Variants in JAK1 observed in about 807,000 individuals in gnomAD.
JAK1 encodes tyrosine-protein kinase JAK1.
JAK1 carries 16 observed loss-of-function variants against 136.6 expected under a neutral mutation model. The observed-to-expected ratio is 0.12, with a 90% CI of 0.08 to 0.18. The LOEUF (loss-of-function observed/expected upper bound fraction) is 0.18. Ranked by LOEUF, JAK1 falls within the 10% of genes least tolerant of loss-of-function variation. The pLI, the probability that JAK1 is intolerant of heterozygous loss-of-function variation, is 1.00. For missense variants in JAK1, 859 were observed against 1,450.1 expected (o/e 0.59, Z 6.62); for synonymous variants, 492 against 519.5 (o/e 0.95, Z 0.72).
At chr1:65,063,521 G>C (rs1234497894) in intron 1 of JAK1, among the ~76,000 whole-genome samples, 1 of 152,048 alleles carries the variant, frequency 6.6e-6, no homozygotes, top group Admixed American at 6.5e-5. Flanking sequence ...TTAATCCATG[G>C]GGCTAGGCAC....
chr1:64,952,111 G>A (rs1487365100), intron 1 of JAK1, among the ~76,000 whole-genome samples: 6 of 152,168 alleles, frequency 3.9e-5, no homozygotes, highest in Admixed American at 2.6e-4. Flanking sequence ...CTATACATTT[G>A]CCCTGCCAAA....
chr1:64,985,301 G>A lies in JAK1; in HGVS notation c.-78+59179C>T, dbSNP rs61734446. The A allele has an allele frequency of 2.6e-5, 42 of 1,610,280 alleles. No homozygotes were observed. The African/African-American group carries it at 5.5e-4, about 21-fold the overall frequency. Reference sequence around the variant, plus strand: ...TGGAAATGATGATGGGCTGTCGGTAGCTGGATACTCTAAAGAGCTCCAGCA... The same window carrying A: ...TGGAAATGATGATGGGCTGTCGGTAACTGGATACTCTAAAGAGCTCCAGCA... On this transcript the variant is annotated intron_variant, in intron 2 of 25. Transcript: ENST00000671954.
Position 64,857,686 on chromosome 1 carries a change from G to C in JAK1, c.1428C>G (p.Leu476=). 1 of 1,614,210 alleles carries C rather than the reference G, an allele frequency of 6.2e-7. No individual in the cohort carries two copies. The highest frequency in any genetic ancestry group is 1.3e-5 in the African/African-American group (1 of 75,068). Residue 476 remains leucine (L), a synonymous_variant, in exon 10 of 25, where the codon CTC becomes CTG. Transcript: ENST00000342505. ...ACTTCTCAAAGCAGGTGACGGTCAT[G>C]AGGATGTTGTCAAAGTCGGTGCAGC... ...RWSCTDFDNI[L]MTVTCFEKSE...
At chr1:64,983,590 G>C (rs926025871) in intron 2 of JAK1, among the ~76,000 whole-genome samples, 13 of 152,154 alleles carry the variant, frequency 8.5e-5, no homozygotes, top group Admixed American at 2.6e-4. Flanking sequence ...TTTCTCATTT[G>C]GATGGCTCTA....
chr1:65,021,009 T>C (rs1244738556), intron 2 of JAK1, among the ~76,000 whole-genome samples: 1 of 152,124 alleles, frequency 6.6e-6, no homozygotes, highest in East Asian at 1.9e-4. Flanking sequence ...AGTGACCGCA[T>C]ACAAAGGGGA....
chr1:64,938,963 C>T (rs1338811066), intron 1 of JAK1, among the ~76,000 whole-genome samples: 1 of 152,008 alleles, frequency 6.6e-6, no homozygotes, highest in Non-Finnish European at 1.5e-5. Flanking sequence ...ACTGAAGATC[C>T]ACCTAGCATT....
intron 1 of JAK1, among the ~76,000 whole-genome samples, chr1:64,899,682 T>C (rs1028637989): frequency 7.9e-5 from 12 of 152,180 alleles, no homozygotes; most frequent in Non-Finnish European, 1.6e-4. Flanking sequence ...AGTGCTAATA[T>C]TATAAAATCC....
rs1569862995 is a variant in JAK1 at position 65,004,468 on chromosome 1, T to G, written c.-78+40012A>C. Among the ~76,000 whole-genome samples the G allele has an allele frequency of 1.3e-5, 2 of 152,320 alleles. 1 individual carries two copies. Among genetic ancestry groups the G allele is most frequent in the Middle Eastern group, 6.8e-3 (2 of 294 alleles). On this transcript the variant is annotated intron_variant, in intron 2 of 25. Coordinates refer to the JAK1 transcript ENST00000671954. ...GATTGTCAGTTATTTCACTCAGGCT[T>G]TGACTGGATTTGTTGCTCATCTTTC...
intron 1 of JAK1, among the ~76,000 whole-genome samples, chr1:65,067,185 C>T (rs1648092624): frequency 1.3e-5 from 2 of 151,822 alleles, no homozygotes; most frequent in South Asian, 2.1e-4. Context: ...CCGCCGCCTA[C>T]CCCGAGGTGG....
chr1:64,896,602 T>C (rs1039842888), intron 1 of JAK1, among the ~76,000 whole-genome samples: 26 of 152,248 alleles, frequency 1.7e-4, no homozygotes, highest in African/African-American at 6.3e-4. Flanking sequence ...AAAAACGCAT[T>C]GTGTAAAGCC....
chr1:64,928,781 A>AAAAAAAAC (rs2100425032), intron 1 of JAK1, among the ~76,000 whole-genome samples: 1 of 100,446 alleles, frequency 1.0e-5, no homozygotes, highest in East Asian at 5.4e-4. Context: ...AACTCTGCAA[A>AAAAAAAAC]AAAAAAAAAA....
At chr1:64,907,319 G>A (rs982417970) in intron 1 of JAK1, among the ~76,000 whole-genome samples, 3 of 152,170 alleles carry the variant, frequency 2.0e-5, no homozygotes, top group Non-Finnish European at 2.9e-5. Context: ...GTTCTGAAAG[G>A]TTTTGATTCT....
intron 1 of JAK1, among the ~76,000 whole-genome samples, chr1:64,956,226 G>T (rs1646185078): frequency 6.6e-6 from 1 of 152,216 alleles, no homozygotes; most frequent in Non-Finnish European, 1.5e-5. Flanking sequence ...GGTTTTCAGG[G>T]TGGTGGATAG....
intron 1 of JAK1, among the ~76,000 whole-genome samples, chr1:64,963,078 T>TA (rs1295526615): frequency 2.6e-5 from 4 of 151,734 alleles, no homozygotes; most frequent in African/African-American, 9.7e-5. Flanking sequence ...TCTCGAAAAA[T>TA]AAAAATAATA....
At chr1:64,946,466 A>G (rs1256116927) in intron 1 of JAK1, among the ~76,000 whole-genome samples, 2 of 152,242 alleles carry the variant, frequency 1.3e-5, no homozygotes, top group Admixed American at 6.5e-5. Context: ...GCAAAGGTAC[A>G]TATTTATGCA....
At chr1:64,943,810 T>A in intron 1 of JAK1, among the ~76,000 whole-genome samples, 1 of 142,678 alleles carries the variant, frequency 7.0e-6, no homozygotes, top group Non-Finnish European at 1.5e-5. Flanking sequence ...AAAACTAATA[T>A]CCTTAACATA....
At chr1:64,960,415 A>G (rs920683518) in intron 1 of JAK1, among the ~76,000 whole-genome samples, 7 of 152,196 alleles carry the variant, frequency 4.6e-5, no homozygotes, top group Non-Finnish European at 1.0e-4. Flanking sequence ...CAAATCATAC[A>G]GTGTAGATCC....
At chr1:65,009,310 G>A (rs1316920758) in intron 2 of JAK1, among the ~76,000 whole-genome samples, 1 of 152,098 alleles carries the variant, frequency 6.6e-6, no homozygotes, top group Non-Finnish European at 1.5e-5. Context: ...CTTTTAAATA[G>A]GCAGAAACAT....
chr1:64,951,698 G>A (rs903817939), intron 1 of JAK1, among the ~76,000 whole-genome samples: 7 of 115,214 alleles, frequency 6.1e-5, no homozygotes, highest in Admixed American at 1.4e-4. Flanking sequence ...TCGCTCTGTC[G>A]CCCAGGCTGG....
Sources: allele counts gnomAD v4.1 joint callset (sites outside exome capture counted in the v4.1 genomes callset), GRCh38; gene constraint gnomAD v4.1.1; transcripts MANE v1.5; gene names NCBI Gene and HGNC (gene_info 2026-07-23, HGNC 2026-07-21).